Variants in KCNN2 observed in about 807,000 individuals in gnomAD.
The protein encoded by KCNN2 is small conductance calcium-activated potassium channel protein 2.
A neutral mutation model predicts 55.5 loss-of-function variants in KCNN2; 24 were observed. The observed-to-expected ratio is 0.43, with a 90% CI of 0.31 to 0.61. The LOEUF (loss-of-function observed/expected upper bound fraction) is 0.61, where lower values mean the gene tolerates loss of function less well. KCNN2 is among the 20% of genes least tolerant of loss of function. The pLI, the probability that KCNN2 is intolerant of heterozygous loss-of-function variation, is 0.08. For synonymous variants in KCNN2, 431 were observed against 336.1 expected (o/e 1.28, Z -3.09); for missense variants, 754 against 853.6 (o/e 0.88, Z 1.45).
intron 2 of KCNN2, among the ~76,000 whole-genome samples, chr5:114,378,540 CT>C (rs1758010783): frequency 6.6e-6 from 1 of 152,142 alleles, no homozygotes; most frequent in South Asian, 2.1e-4. Context: ...TGGCCCCTAT[CT>C]CGGGCTTCTG....
intron 2 of KCNN2, among the ~76,000 whole-genome samples, chr5:114,257,116 G>C (rs546924369): frequency 6.6e-6 from 1 of 152,090 alleles, no homozygotes; most frequent in East Asian, 1.9e-4. Context: ...TCAGTAGGGT[G>C]TCCTTTCCCT....
intron 1 of KCNN2, among the ~76,000 whole-genome samples, chr5:114,087,734 G>A (rs1751047655): frequency 1.3e-5 from 2 of 151,302 alleles, no homozygotes; most frequent in African/African-American, 2.4e-5. Context: ...AGTAAATTTA[G>A]TATTCCATTG....
intron 1 of KCNN2, among the ~76,000 whole-genome samples, chr5:114,207,588 G>T (rs1753801030): frequency 6.6e-6 from 1 of 152,052 alleles, no homozygotes. Context: ...GCAAATTATT[G>T]TCTTCCATTC....
chr5:114,474,904 G>C (rs1410836350), intron 5 of KCNN2, among the ~76,000 whole-genome samples: 2 of 151,382 alleles, frequency 1.3e-5, no homozygotes, highest in Non-Finnish European at 2.9e-5. Context: ...AAAAAAAAAA[G>C]TGACAGAATC....
intron 2 of KCNN2, among the ~76,000 whole-genome samples, chr5:114,227,885 T>C (rs758914966): frequency 2.6e-5 from 4 of 151,992 alleles, no homozygotes; most frequent in Admixed American, 2.0e-4. Flanking sequence ...ATATATATAG[T>C]AGGTGAATAT....
At chr5:114,290,483 T>C (rs1017809384) in intron 2 of KCNN2, among the ~76,000 whole-genome samples, 6 of 152,110 alleles carry the variant, frequency 3.9e-5, no homozygotes, top group African/African-American at 1.4e-4. Context: ...ATCTTCCCTC[T>C]TTTTTTCTTA....
At chr5:114,373,914 A>G (rs756897633) in intron 2 of KCNN2, among the ~76,000 whole-genome samples, 1 of 151,620 alleles carries the variant, frequency 6.6e-6, no homozygotes, top group Non-Finnish European at 1.5e-5. Context: ...AAGCACATGC[A>G]TATTTTTAAG....
chr5:114,325,724 A>G, intron 2 of KCNN2, among the ~76,000 whole-genome samples: 1 of 152,190 alleles, frequency 6.6e-6, no homozygotes, highest in African/African-American at 2.4e-5. Context: ...CAGTGCTTCA[A>G]AGGAGAGAAA....
At chr5:114,410,883 T>C (rs1759109718) in intron 3 of KCNN2, among the ~76,000 whole-genome samples, 1 of 152,186 alleles carries the variant, frequency 6.6e-6, no homozygotes, top group Admixed American at 6.5e-5. Context: ...ATTAACTAGG[T>C]ATCATTTGTT....
intron 3 of KCNN2, among the ~76,000 whole-genome samples, chr5:114,416,134 A>G (rs1449836999): frequency 1.3e-5 from 2 of 152,186 alleles, no homozygotes; most frequent in African/African-American, 4.8e-5. Flanking sequence ...AAGTCTTTCC[A>G]GTTCTTGCGT....
chr5:114,070,656 AC>A, intron 1 of KCNN2, among the ~76,000 whole-genome samples: 1 of 152,290 alleles, frequency 6.6e-6, no homozygotes, highest in Admixed American at 6.5e-5. Flanking sequence ...ACTGACATGA[AC>A]TAATCAAACA....
chr5:114,438,765 T>TC (rs2150092708), intron 3 of KCNN2, among the ~76,000 whole-genome samples: 1 of 152,302 alleles, frequency 6.6e-6, no homozygotes, highest in Admixed American at 6.5e-5. Flanking sequence ...CCCTGGTGCC[T>TC]CTTTAAGTTC....
At position 114,490,206 on chromosome 5, in the gene KCNN2, A is replaced by C. The variant is rs1010814481; in HGVS notation, c.2018+3029A>C. Reference sequence around the variant, plus strand: ...AATTTGTTTCAGAACCAAGAAATCCAATCTACTTGATTTGTATATCATGAG... The same window carrying C: ...AATTTGTTTCAGAACCAAGAAATCCCATCTACTTGATTTGTATATCATGAG... On this transcript the variant is annotated intron_variant, in intron 6 of 7. Transcript: ENST00000673685. Among the ~76,000 whole-genome samples the C allele has an allele frequency of 6.6e-5, 10 of 152,152 alleles. No individual in the cohort carries two copies. In the East Asian group the frequency reaches 1.9e-3, roughly 29 times the overall value.
intron 7 of KCNN2, among the ~76,000 whole-genome samples, chr5:114,493,973 A>G (rs1747985637): frequency 6.6e-6 from 1 of 152,204 alleles, no homozygotes; most frequent in Admixed American, 6.5e-5. Flanking sequence ...TCACTTTTTT[A>G]TGGTTCTTTC....
chr5:114,133,279 A>G (rs535437655), intron 1 of KCNN2, among the ~76,000 whole-genome samples: 2 of 152,290 alleles, frequency 1.3e-5, no homozygotes, highest in South Asian at 4.1e-4. Context: ...ATAGGCTGAT[A>G]CAGTCCAAGG....
rs1194686835 is a variant in KCNN2 at position 114,362,912 on chromosome 5, C to T, written c.773C>T (p.Ala258Val). Residue 258 changes from alanine (A) to valine (V), a missense_variant, in exon 1 of 8, where the codon GCG becomes GTG. Transcript: ENST00000673685. Reference protein sequence around the residue: ...PPASVGGGGGASSPSAAAAAA... With the variant: ...PPASVGGGGGVSSPSAAAAAA... Reference sequence around the variant, plus strand: ...GCGTCTGTCGGAGGAGGTGGCGGCGCGTCCTCCCCGTCTGCAGCCGCTGCC... The same window carrying T: ...GCGTCTGTCGGAGGAGGTGGCGGCGTGTCCTCCCCGTCTGCAGCCGCTGCC... The T allele has an allele frequency of 1.3e-6, 2 of 1,584,536 alleles. No homozygotes were observed. The highest frequency in any genetic ancestry group is 1.4e-5 in the African/African-American group (1 of 73,652).
chr5:114,414,365 A>C (rs2150076648), intron 3 of KCNN2, among the ~76,000 whole-genome samples: 1 of 152,302 alleles, frequency 6.6e-6, no homozygotes, highest in African/African-American at 2.4e-5. Flanking sequence ...TTGTATCCCC[A>C]AGCTGGTGTC....
intron 1 of KCNN2, among the ~76,000 whole-genome samples, chr5:114,096,062 T>C (rs1751249645): frequency 6.6e-6 from 1 of 152,036 alleles, no homozygotes; most frequent in African/African-American, 2.4e-5. Flanking sequence ...AGTCCACAGG[T>C]TGAGATCACT....
chr5:114,095,977 A>G (rs1751247351), intron 1 of KCNN2, among the ~76,000 whole-genome samples: 1 of 152,136 alleles, frequency 6.6e-6, no homozygotes, highest in Non-Finnish European at 1.5e-5. Context: ...AGGCTATGTC[A>G]TCTATCTGGC....
Sources: gnomAD v4.1 joint callset for allele counts (sites outside exome capture counted in the v4.1 genomes callset) on GRCh38, gnomAD v4.1.1 for gene constraint, MANE v1.5 for transcripts, NCBI Gene and HGNC (gene_info 2026-07-23, HGNC 2026-07-21) for gene names.